The following CTTNBP2NL variants were observed in gnomAD, a reference collection of about 807,000 sequenced individuals.
CTTNBP2NL encodes CTTNBP2 N-terminal like, also known as CTTNBP2 N-terminal-like protein.
A neutral mutation model predicts 32.5 loss-of-function variants in CTTNBP2NL; 16 were observed. That is an observed-to-expected ratio of 0.49 (90% CI 0.33 to 0.75). CTTNBP2NL has a LOEUF of 0.75. Among genes scored for constraint, CTTNBP2NL ranks in the 30% least tolerant of loss-of-function variants. CTTNBP2NL has a pLI of 0.02. For synonymous variants in CTTNBP2NL, 298 were observed against 289.4 expected, an observed-to-expected ratio of 1.03 and a Z score of -0.30; for missense variants, 645 against 756.0, an observed-to-expected ratio of 0.85 and a Z score of 1.72.
At chr1:112,426,211 C>G (rs1649392557) in intron 3 of CTTNBP2NL, among the ~76,000 whole-genome samples, 1 of 152,036 alleles carries the variant, frequency 6.6e-6, no homozygotes, top group Non-Finnish European at 1.5e-5. Context: ...TTTTGTCATG[C>G]TTTTTCTGTA....
intron 3 of CTTNBP2NL, among the ~76,000 whole-genome samples, chr1:112,435,981 C>T (rs1649714515): frequency 6.6e-6 from 1 of 151,332 alleles, no homozygotes; most frequent in Admixed American, 6.6e-5. Flanking sequence ...TTATGGTCAT[C>T]TGTCTAAATT....
chr1:112,447,718 G>A (rs1228498397), intron 3 of CTTNBP2NL, among the ~76,000 whole-genome samples: 1 of 151,950 alleles, frequency 6.6e-6, no homozygotes, highest in African/African-American at 2.4e-5. Context: ...CCAATGAATT[G>A]CAAATTTCCC....
At position 112,454,632 on chromosome 1, in the gene CTTNBP2NL, A is replaced by G. The variant is rs145376194; in HGVS notation, c.438+76A>G. ...CCAAAGATTATTCTGCAGGATGCCAACTGGTATTGTTCAGAAAAGGGGCTT... is the reference window on the plus strand; with the variant it reads ...CCAAAGATTATTCTGCAGGATGCCAGCTGGTATTGTTCAGAAAAGGGGCTT... On this transcript the variant is annotated intron_variant, in intron 5 of 5. Coordinates refer to ENST00000271277, the MANE Select transcript of CTTNBP2NL (RefSeq NM_018704.3). The G allele has an allele frequency of 9.7e-4, 1,055 of 1,084,230 alleles. 12 individuals are homozygous for G. The highest frequency in any genetic ancestry group is 7.2e-3 in the South Asian group (570 of 79,008). The allele number at this position is 1,084,230 out of a possible 1,614,324, so 67.2% of individuals were successfully genotyped here.
chr1:112,441,258 G>A (rs987636882), intron 3 of CTTNBP2NL, among the ~76,000 whole-genome samples: 29 of 152,202 alleles, frequency 1.9e-4, no homozygotes, highest in African/African-American at 5.1e-4. Context: ...ACCATAGTTC[G>A]GTTTTGTTTA....
chr1:112,395,600 G>A (rs1298005910), upstream of CTTNBP2NL, among the ~76,000 whole-genome samples: 1 of 152,240 alleles, frequency 6.6e-6, no homozygotes, highest in East Asian at 1.9e-4. Flanking sequence ...AAGGCAGGTC[G>A]GCTGGGTTTA....
intron 3 of CTTNBP2NL, among the ~76,000 whole-genome samples, chr1:112,431,888 C>A (rs1399206268): frequency 6.6e-6 from 1 of 151,616 alleles, no homozygotes; most frequent in Admixed American, 6.6e-5. Flanking sequence ...TCACTTGAGG[C>A]CAGAAGTTTG....
At chr1:112,423,757 T>C (rs1649303556) in intron 3 of CTTNBP2NL, among the ~76,000 whole-genome samples, 1 of 152,252 alleles carries the variant, frequency 6.6e-6, no homozygotes, top group Admixed American at 6.5e-5. Flanking sequence ...GGAGTCTCGC[T>C]GTGTCGCCAA....
At chr1:112,413,680 T>C (rs1007998034) in intron 2 of CTTNBP2NL, among the ~76,000 whole-genome samples, 1 of 152,190 alleles carries the variant, frequency 6.6e-6, no homozygotes, top group Non-Finnish European at 1.5e-5. Flanking sequence ...TATTTTTATT[T>C]TTAAAATAAA....
At chr1:112,398,705 G>A (rs927383084) in intron 1 of CTTNBP2NL, among the ~76,000 whole-genome samples, 1 of 151,710 alleles carries the variant, frequency 6.6e-6, no homozygotes, top group Non-Finnish European at 1.5e-5. Context: ...TTGCTACTTG[G>A]GAGGCTGAGG....
intron 3 of CTTNBP2NL, among the ~76,000 whole-genome samples, chr1:112,425,321 AT>A (rs1159364477): frequency 6.6e-6 from 1 of 151,560 alleles, no homozygotes; most frequent in Non-Finnish European, 1.5e-5. Flanking sequence ...AAGTACAAAA[AT>A]TAGCCGGGCG....
intron 1 of CTTNBP2NL, among the ~76,000 whole-genome samples, chr1:112,405,525 T>G (rs893880081): frequency 1.3e-5 from 2 of 152,166 alleles, no homozygotes; most frequent in African/African-American, 2.4e-5. Flanking sequence ...CTTGAACTCT[T>G]TATCTCAGGT....
At chr1:112,420,486 A>G (rs909382178) in intron 3 of CTTNBP2NL, among the ~76,000 whole-genome samples, 3 of 149,554 alleles carry the variant, frequency 2.0e-5, no homozygotes, top group African/African-American at 7.4e-5. Context: ...CTTTTTCTGG[A>G]GACAGAGTCT....
At chr1:112,437,495 G>A (rs1242903017) in intron 3 of CTTNBP2NL, among the ~76,000 whole-genome samples, 1 of 151,842 alleles carries the variant, frequency 6.6e-6, no homozygotes, top group Non-Finnish European at 1.5e-5. Context: ...TTTTTTTCTT[G>A]TAAAGTTGTT....
intron 3 of CTTNBP2NL, among the ~76,000 whole-genome samples, chr1:112,424,947 C>A (rs1376542965): frequency 6.6e-6 from 1 of 151,542 alleles, no homozygotes; most frequent in Non-Finnish European, 1.5e-5. Flanking sequence ...TCCCAAGTAG[C>A]TAGGACTACA....
intron 2 of CTTNBP2NL, chr1:112,415,909 G>T (rs982772455): frequency 2.6e-6 from 1 of 383,334 alleles, no homozygotes; most frequent in Non-Finnish European, 4.7e-6. Context: ...AAACGTGTCT[G>T]GAGGAAATAT....
chr1:112,416,080 T>C (rs929154459), intron 2 of CTTNBP2NL, 77 bp from the exon 3 acceptor site: 4 of 782,674 alleles, frequency 5.1e-6, no homozygotes, highest in Non-Finnish European at 8.8e-6. Flanking sequence ...TGCTCTTATC[T>C]CTCACTTTAT....
intron 1 of CTTNBP2NL, among the ~76,000 whole-genome samples, chr1:112,410,059 T>C (rs1265502992): frequency 3.9e-5 from 6 of 152,214 alleles, no homozygotes; most frequent in African/African-American, 1.2e-4. Context: ...CCAAATGGTA[T>C]GCTGGGCAGG....
At chr1:112,394,186 G>A (rs1409549077), upstream of CTTNBP2NL, among the ~76,000 whole-genome samples, 2 of 147,044 alleles carry the variant, frequency 1.4e-5, no homozygotes, top group Non-Finnish European at 3.0e-5. Flanking sequence ...CTGGGAGACA[G>A]AGCGAGACTC....
intron 1 of CTTNBP2NL, among the ~76,000 whole-genome samples, chr1:112,408,355 T>C (rs1362497771): frequency 6.6e-6 from 1 of 151,956 alleles, no homozygotes; most frequent in Non-Finnish European, 1.5e-5. Context: ...AAAATTATTT[T>C]CTAGTGGCAC....
Sources: gnomAD v4.1 joint callset for allele counts (sites outside exome capture counted in the v4.1 genomes callset) on GRCh38, gnomAD v4.1.1 for gene constraint, MANE v1.5 for transcripts, NCBI Gene and HGNC (gene_info 2026-07-23, HGNC 2026-07-21) for gene names.